Variants in PMPCB observed in about 807,000 individuals in gnomAD.
PMPCB encodes the protein peptidase, mitochondrial processing subunit beta, also known as mitochondrial-processing peptidase subunit beta.
In PMPCB, 46 loss-of-function variants were observed where a neutral mutation model predicts 61.5. The ratio of observed to expected loss-of-function variants is 0.75; its 90% confidence interval spans 0.59 to 0.96. The LOEUF (loss-of-function observed/expected upper bound fraction) is 0.96. Ranked by LOEUF, PMPCB falls within the 40% of genes least tolerant of loss-of-function variation. PMPCB has a pLI of 0.00. For synonymous variants in PMPCB, 191 were observed against 201.6 expected, an observed-to-expected ratio of 0.95 and a Z score of 0.44; for missense variants, 590 against 602.4, an observed-to-expected ratio of 0.98 and a Z score of 0.22.
intron 4 of PMPCB, among the ~76,000 whole-genome samples, chr7:103,300,589 G>A (rs1817423020): frequency 6.6e-6 from 1 of 152,192 alleles, no homozygotes; most frequent in Non-Finnish European, 1.5e-5. Flanking sequence ...TACCATGTTT[G>A]TAGACTGTTT....
chr7:103,311,489 C>A (rs1817750333), intron 9 of PMPCB, 154 bp from the exon 10 acceptor site: 1 of 611,392 alleles, frequency 1.6e-6, no homozygotes, highest in Non-Finnish European at 2.9e-6. Context: ...GAAATTAATA[C>A]TGGGGAAAAT....
chr7:103,330,114 T>C (rs2115974807), downstream of PMPCB, among the ~76,000 whole-genome samples: 1 of 152,346 alleles, frequency 6.6e-6, no homozygotes, highest in East Asian at 1.9e-4. Context: ...GAATGGGTGT[T>C]AAACTGTATT....
At chr7:103,337,895 T>A in the PMPCB span, 1 of 954,104 alleles carries the variant, frequency 1.0e-6, no homozygotes, top group East Asian at 2.4e-5. Context: ...TTAATAAGCA[T>A]TTCCCAAAGT....
intron 12 of PMPCB, chr7:103,319,811 G>C (rs1415447045): frequency 6.2e-7 from 1 of 1,614,102 alleles, no homozygotes; most frequent in Non-Finnish European, 8.5e-7. Context: ...ATTTTAACCC[G>C]CTCTGCCTCA....
chr7:103,329,170 T>A lies in PMPCB; in HGVS notation c.*1671T>A, dbSNP rs149626862. 1.9e-3 allele frequency: 641 copies of A among 334,498 alleles called. 4 individuals are homozygous for A. Among genetic ancestry groups the A allele is most frequent in the African/African-American group, 0.014 (619 of 45,566 alleles). 20.7% of individuals were successfully genotyped at this position (334,498 alleles called of 1,614,324 possible). On this transcript the variant is annotated 3_prime_UTR_variant and NMD_transcript_variant, in exon 13 of 13. Coordinates refer to the PMPCB transcript ENST00000444457. ...TCTGACTCTGTGTGTCACTTACAAT[T>A]AATAATGCTAGCTGTTAACATCTAC...
At position 103,309,089 on chromosome 7, in the gene PMPCB, A is replaced by G. The variant is rs1001570037; in HGVS notation, c.987A>G (p.Gly329=). 1.3e-6 allele frequency: 2 copies of G among 1,591,508 alleles called. No individual in the cohort carries two copies. The highest frequency in any genetic ancestry group is 1.4e-5 in the African/African-American group (1 of 73,646). The change falls in exon 8 of 13, where the codon GGA becomes GGG. Residue 329 remains glycine, a synonymous_variant. Transcript: ENST00000249269. ...LIGNWDRSFG[G]GMNLSSKLAQ... ...GCAACTGGGATCGCTCTTTTGGGGG[A>G]GGAATGGTAAGTGATTTTAAAAGAA... is the stretch of plus-strand genomic sequence containing the variant.
At position 103,320,671 on chromosome 7, in the gene PMPCB, G is replaced by C. The variant is rs186859433; in HGVS notation, c.*1432-8260G>C. Among the ~76,000 whole-genome samples the C allele has an allele frequency of 2.9e-3, 438 of 151,012 alleles. 3 individuals are homozygous for C. Among genetic ancestry groups the C allele is most frequent in the African/African-American group, 0.01 (429 of 41,220 alleles). On this transcript the variant is annotated intron_variant and NMD_transcript_variant, in intron 12 of 12. Coordinates refer to the PMPCB transcript ENST00000444457. ...AGGCAGGAGCATGGCGTGAACCCAG[G>C]AGGCGGAGCTTGCAGTGAGCGGAGA...
chr7:103,332,571 C>T (rs1385761365), downstream of PMPCB, among the ~76,000 whole-genome samples: 2 of 152,006 alleles, frequency 1.3e-5, no homozygotes, highest in Non-Finnish European at 2.9e-5. Flanking sequence ...ATTATCTGGG[C>T]CTAAAAATTG....
In PMPCB at chr7:103,297,438, C is replaced by G. The variant is rs1166247639; in HGVS notation, c.-22C>G. 6.5e-7 allele frequency: 1 copy of G among 1,534,364 alleles called. No individual in the cohort carries two copies. Among genetic ancestry groups the G allele is most frequent in the Non-Finnish European group, 8.8e-7 (1 of 1,140,296 alleles). On this transcript the variant is annotated 5_prime_UTR_variant, in exon 1 of 13. Transcript: ENST00000249269. ...CGACCCCGGAAGCACATCCTTCATC[C>G]TCTACCTTCCTTCTAGCAGAAATGG...
At position 103,312,391 on chromosome 7, in the gene PMPCB, A is replaced by C. The variant is rs1817793719; in HGVS notation, c.*120A>C. On this transcript the variant is annotated 3_prime_UTR_variant, in exon 13 of 13. Transcript: ENST00000249269. ...ATTAAATACTGTATCATACTTTCAA[A>C]GGATAAAAAGACTACCCCTCTGAAG... The C allele has an allele frequency of 1.3e-6, 2 of 1,520,430 alleles. No homozygotes were observed. Among genetic ancestry groups the C allele is most frequent in the Non-Finnish European group, 1.7e-6 (2 of 1,143,496 alleles). The allele number at this position is 1,520,430 out of a possible 1,614,324, so 94.2% of individuals were successfully genotyped here. A position where few individuals can be genotyped will look rare whatever the true frequency, so the allele number is the denominator to read the frequency against.
chr7:103,298,745 C>A (rs1362396014), intron 2 of PMPCB, 37 bp downstream of exon 2: 4 of 1,585,818 alleles, frequency 2.5e-6, no homozygotes, highest in Admixed American at 3.6e-5. Context: ...AGTGACCCTT[C>A]ATTTAGCGTA....
chr7:103,301,655 C>G (rs1817454172), intron 4 of PMPCB, among the ~76,000 whole-genome samples: 1 of 152,160 alleles, frequency 6.6e-6, no homozygotes, highest in African/African-American at 2.4e-5. Flanking sequence ...AATGGAAGTG[C>G]TCTCTGAAGC....
At chr7:103,325,335 G>C (rs944911971) in intron 12 of PMPCB, among the ~76,000 whole-genome samples, 5 of 152,116 alleles carry the variant, frequency 3.3e-5, no homozygotes, top group African/African-American at 1.2e-4. Context: ...TACTCAGGAG[G>C]CTGAGGCAGG....
At chr7:103,326,110 C>T (rs187440324) in intron 12 of PMPCB, among the ~76,000 whole-genome samples, 1 of 152,160 alleles carries the variant, frequency 6.6e-6, no homozygotes, top group Non-Finnish European at 1.5e-5. Context: ...TCCCGAGGAG[C>T]TGGGATTACA....
chr7:103,316,077 A>G (rs978016313), downstream of PMPCB: 11 of 1,576,356 alleles, frequency 7.0e-6, no homozygotes, highest in East Asian at 2.3e-5. Flanking sequence ...GTAATTAGCA[A>G]TAACTTCCCA....
chr7:103,298,215 T>C (rs1817344106), intron 1 of PMPCB, among the ~76,000 whole-genome samples: 1 of 152,156 alleles, frequency 6.6e-6, no homozygotes, highest in South Asian at 2.1e-4. Flanking sequence ...TGTAGGTAGT[T>C]TTACATAGTT....
At chr7:103,319,868 G>GT in intron 12 of PMPCB, 1 of 1,608,966 alleles carries the variant, frequency 6.2e-7, no homozygotes, top group Non-Finnish European at 8.5e-7. Context: ...CACAAAAATA[G>GT]TATCTACACT....
downstream of PMPCB, chr7:103,315,772 C>G (rs758912278): frequency 1.9e-6 from 3 of 1,612,820 alleles, no homozygotes; most frequent in Non-Finnish European, 2.5e-6. Context: ...ACCTTCAAAT[C>G]GTTCTGAAGG....
At chr7:103,302,265 G>C (rs971483306) in intron 4 of PMPCB, among the ~76,000 whole-genome samples, 1 of 152,186 alleles carries the variant, frequency 6.6e-6, no homozygotes, top group East Asian at 1.9e-4. Context: ...AAACATACGT[G>C]TGCATGATGA....
Sources: allele counts gnomAD v4.1 joint callset (sites outside exome capture counted in the v4.1 genomes callset), GRCh38; gene constraint gnomAD v4.1.1; transcripts MANE v1.5; gene names NCBI Gene and HGNC (gene_info 2026-07-23, HGNC 2026-07-21).